The following NOS1AP variants were observed in gnomAD, a reference collection of about 807,000 sequenced individuals.
The protein encoded by NOS1AP is nitric oxide synthase 1 adaptor protein.
In NOS1AP, 21 loss-of-function variants were observed where a neutral mutation model predicts 56.2. The observed-to-expected ratio is 0.37, with a 90% confidence interval of 0.26 to 0.54. The LOEUF (loss-of-function observed/expected upper bound fraction) is 0.54. Ranked by LOEUF, NOS1AP falls within the 20% of genes least tolerant of loss-of-function variation. The pLI, the probability that NOS1AP is intolerant of heterozygous loss-of-function variation, is 0.84. For missense variants in NOS1AP, 522 were observed against 657.8 expected, an observed-to-expected ratio of 0.79 and a Z score of 2.26; for synonymous variants, 270 against 274.6, an observed-to-expected ratio of 0.98 and a Z score of 0.17.
intron 1 of NOS1AP, among the ~76,000 whole-genome samples, chr1:162,105,370 A>G (rs948558457): frequency 2.0e-5 from 3 of 152,224 alleles, no homozygotes; most frequent in African/African-American, 4.8e-5. Context: ...GATCTCACCC[A>G]GTCAGGAGGA....
At chr1:162,327,599 A>G (rs1205520272) in intron 4 of NOS1AP, among the ~76,000 whole-genome samples, 1 of 152,200 alleles carries the variant, frequency 6.6e-6, no homozygotes, top group Non-Finnish European at 1.5e-5. Flanking sequence ...CAGTTACCCA[A>G]GTATGTTCAG....
At chr1:162,155,062 G>A (rs537756558) in intron 2 of NOS1AP, among the ~76,000 whole-genome samples, 2 of 152,020 alleles carry the variant, frequency 1.3e-5, no homozygotes, top group South Asian at 2.1e-4. Context: ...GTGATGAACT[G>A]TTGCCTGGAT....
intron 2 of NOS1AP, among the ~76,000 whole-genome samples, chr1:162,206,315 T>A (rs1013198464): frequency 3.9e-5 from 6 of 152,182 alleles, no homozygotes; most frequent in Admixed American, 3.9e-4. Context: ...TAGATTTGAC[T>A]CTATGGGTTA....
intron 1 of NOS1AP, among the ~76,000 whole-genome samples, chr1:162,082,582 A>G (rs1230716772): frequency 6.6e-6 from 1 of 152,108 alleles, no homozygotes; most frequent in Non-Finnish European, 1.5e-5. Context: ...CTTTTTCTTT[A>G]CAACCTTGCC....
chr1:162,114,346 C>G (rs116404921), intron 1 of NOS1AP, among the ~76,000 whole-genome samples: 1 of 152,186 alleles, frequency 6.6e-6, no homozygotes, highest in Admixed American at 6.5e-5. Context: ...TCACGCAGAA[C>G]TCTCAGGCAC....
chr1:162,149,808 G>T (rs901713513), intron 1 of NOS1AP, among the ~76,000 whole-genome samples: 6 of 152,098 alleles, frequency 3.9e-5, no homozygotes, highest in Admixed American at 3.3e-4. Context: ...ATTCTTGTTT[G>T]TAATTTATTT....
intron 2 of NOS1AP, among the ~76,000 whole-genome samples, chr1:162,267,543 C>A (rs1654461179): frequency 1.3e-5 from 2 of 148,866 alleles, no homozygotes. Context: ...GTGAGAGGAT[C>A]ACTTGAGGCC....
chr1:162,110,222 G>A (rs1359540100), intron 1 of NOS1AP, among the ~76,000 whole-genome samples: 2 of 151,384 alleles, frequency 1.3e-5, no homozygotes, highest in Non-Finnish European at 2.9e-5. Flanking sequence ...TGAGCTTACA[G>A]TGTGCTTTTT....
intron 2 of NOS1AP, among the ~76,000 whole-genome samples, chr1:162,251,857 GTTTTTTTTTTTGTT>G (rs1367713823): frequency 2.0e-5 from 2 of 100,446 alleles, no homozygotes; most frequent in African/African-American, 3.9e-5. Context: ...CTAGCTAGTT[GTTTTTTTTTTTGTT>G]TTTTTTTTTT....
At chr1:162,098,427 T>A (rs1369906685) in intron 1 of NOS1AP, among the ~76,000 whole-genome samples, 1 of 152,098 alleles carries the variant, frequency 6.6e-6, no homozygotes, top group East Asian at 1.9e-4. Context: ...TAATTAAATT[T>A]GTATCTACCT....
At chr1:162,356,166 C>T (rs1161678737) in intron 7 of NOS1AP, among the ~76,000 whole-genome samples, 1 of 152,178 alleles carries the variant, frequency 6.6e-6, no homozygotes, top group East Asian at 1.9e-4. Flanking sequence ...CAAGTGGAAA[C>T]AGCCCTGTGT....
At chr1:162,360,658 A>G (rs1657870224) in intron 8 of NOS1AP, 2 of 365,584 alleles carry the variant, frequency 5.5e-6, no homozygotes, top group African/African-American at 2.1e-5. Context: ...TTAGAGGAAC[A>G]GTGCTAACAA....
chr1:162,084,923 C>G (rs1172278044), intron 1 of NOS1AP, among the ~76,000 whole-genome samples: 2 of 152,056 alleles, frequency 1.3e-5, no homozygotes, highest in Non-Finnish European at 2.9e-5. Context: ...CTTCAGACTC[C>G]CAAAGTGCTA....
chr1:162,108,225 C>T (rs1264971715), intron 1 of NOS1AP, among the ~76,000 whole-genome samples: 1 of 152,172 alleles, frequency 6.6e-6, no homozygotes, highest in African/African-American at 2.4e-5. Context: ...CCTGGTTCAT[C>T]TTTTTACAAC....
chr1:162,251,120 A>G (rs147626141), intron 2 of NOS1AP, among the ~76,000 whole-genome samples: 22 of 152,234 alleles, frequency 1.4e-4, no homozygotes, highest in African/African-American at 4.8e-4. Context: ...CACTACCACA[A>G]AAATAACCTG....
At chr1:162,273,180 T>TTA (rs1385661374) in intron 2 of NOS1AP, among the ~76,000 whole-genome samples, 2 of 149,212 alleles carry the variant, frequency 1.3e-5, no homozygotes, top group Non-Finnish European at 3.0e-5. Flanking sequence ...TTTTTTTTTT[T>TTA]TGAGACGGAG....
At chr1:162,361,968 G>A (rs905158945) in intron 8 of NOS1AP, among the ~76,000 whole-genome samples, 1 of 152,182 alleles carries the variant, frequency 6.6e-6, no homozygotes, top group African/African-American at 2.4e-5. Flanking sequence ...ATGTCAACCT[G>A]GATGTAGAAT....
At chr1:162,231,070 C>T (rs1187908965) in intron 2 of NOS1AP, among the ~76,000 whole-genome samples, 2 of 151,298 alleles carry the variant, frequency 1.3e-5, no homozygotes, top group Admixed American at 6.6e-5. Context: ...CCACTATTTT[C>T]CATAGCAAAT....
In NOS1AP at chr1:162,315,749, T is replaced by G. The variant is rs138301777; in HGVS notation, c.344+15043T>G. Among the ~76,000 whole-genome samples, 515 of 152,310 alleles carry G rather than the reference T, an allele frequency of 3.4e-3. 3 individuals carry two copies. The highest frequency in any genetic ancestry group is 0.012 in the African/African-American group (490 of 41,562). On this transcript the variant is annotated intron_variant, in intron 4 of 9. Transcript: ENST00000361897. ...GAGTCCTCTGTATTTGGCTTAACAT[T>G]TCTGCCTGTCAAATTCTTATTAATC... is the stretch of plus-strand genomic sequence containing the variant.
Sources: gnomAD v4.1 joint callset for allele counts (sites outside exome capture counted in the v4.1 genomes callset) on GRCh38, gnomAD v4.1.1 for gene constraint, MANE v1.5 for transcripts, NCBI Gene and HGNC (gene_info 2026-07-23, HGNC 2026-07-21) for gene names.